MAPK10: variants seen among roughly 807,000 people sequenced by gnomAD.
The protein encoded by MAPK10 is mitogen-activated protein kinase 10.
Under a neutral mutation model 59.3 loss-of-function variants are expected in MAPK10, and 25 were observed. The ratio of observed to expected loss-of-function variants is 0.42; its 90% CI spans 0.31 to 0.59. MAPK10 has a LOEUF of 0.59. MAPK10 is among the 20% of genes least tolerant of loss of function. The pLI is 0.15. For synonymous variants in MAPK10, 190 were observed against 200.5 expected, an observed-to-expected ratio of 0.95 and a Z score of 0.44; for missense variants, 351 against 568.9, an observed-to-expected ratio of 0.62 and a Z score of 3.90.
At chr4:86,294,020 C>A (rs2095295492) in intron 2 of MAPK10, among the ~76,000 whole-genome samples, 1 of 152,148 alleles carries the variant, frequency 6.6e-6, no homozygotes, top group South Asian at 2.1e-4. Flanking sequence ...CAGGACAACC[C>A]AGAAGTGCGG....
rs1554274998 is a variant in MAPK10, at chr4:86,507,655, T to TATATATACAC, written c.-263+86254_-263+86255insGTGTATATAT. On this transcript the variant is annotated intron_variant, in intron 1 of 4. Coordinates refer to the MAPK10 transcript ENST00000502302. Reference sequence around the variant, plus strand: ...ATATATATATATATATATATATATATATATATATATATATATAAAATCATG... The same window carrying TATATATACAC: ...ATATATATATATATATATATATATATATATATACACATATATATATATATATAAAATCATG... Among the ~76,000 whole-genome samples, 137 of 71,264 alleles carry TATATATACAC rather than the reference T, an allele frequency of 1.9e-3. 8 individuals carry two copies. Among genetic ancestry groups the TATATATACAC allele is most frequent in the Non-Finnish European group, 3.3e-3 (114 of 34,644 alleles). 46.8% of individuals were successfully genotyped at this position (71,264 alleles called of 152,430 possible).
chr4:86,143,383 C>G (rs2064076426), intron 4 of MAPK10, among the ~76,000 whole-genome samples: 1 of 152,062 alleles, frequency 6.6e-6, no homozygotes, highest in Non-Finnish European at 1.5e-5. Context: ...TTTTCTCTTT[C>G]CATAAACTGG....
chr4:86,518,344 G>A (rs1056087142), intron 1 of MAPK10, among the ~76,000 whole-genome samples: 4 of 152,102 alleles, frequency 2.6e-5, no homozygotes, highest in African/African-American at 9.7e-5. Context: ...TAATCTAGGA[G>A]GTTTGTATAT....
chr4:86,376,509 C>T (rs1182608770), intron 1 of MAPK10, among the ~76,000 whole-genome samples: 1 of 152,154 alleles, frequency 6.6e-6, no homozygotes, highest in Non-Finnish European at 1.5e-5. Flanking sequence ...CAAAATAACA[C>T]ATTTAAGTTG....
intron 4 of MAPK10, among the ~76,000 whole-genome samples, chr4:86,114,497 C>A (rs1017243628): frequency 7.9e-5 from 12 of 152,338 alleles, no homozygotes; most frequent in Middle Eastern, 3.4e-3. Context: ...GTCCCTCCTG[C>A]ACTTGGAGGT....
intron 1 of MAPK10, among the ~76,000 whole-genome samples, chr4:86,374,905 T>C (rs931946347): frequency 6.6e-6 from 1 of 152,246 alleles, no homozygotes; most frequent in African/African-American, 2.4e-5. Context: ...AATGATATTA[T>C]GAATGCATGT....
chr4:86,210,929 C>A (rs758919402), intron 2 of MAPK10, among the ~76,000 whole-genome samples: 3 of 150,648 alleles, frequency 2.0e-5, no homozygotes, highest in Non-Finnish European at 1.5e-5. Flanking sequence ...CTGAAAAGTA[C>A]AAGAAGTGAA....
intron 1 of MAPK10, among the ~76,000 whole-genome samples, chr4:86,386,548 A>G (rs1004425866): frequency 5.3e-5 from 8 of 152,112 alleles, no homozygotes; most frequent in African/African-American, 1.9e-4. Context: ...TATAAATGAT[A>G]GAGATGATAT....
chr4:86,011,715 T>C lies in MAPK10; in HGVS notation c.*5513A>G, dbSNP rs1406040979. 2 of 152,200 alleles carry C rather than the reference T, an allele frequency of 1.3e-5. No homozygotes were observed. The highest frequency in any genetic ancestry group is 4.8e-5 in the African/African-American group (2 of 41,458). 9.4% of individuals were successfully genotyped at this position (152,200 alleles called of 1,614,324 possible). On this transcript the variant is annotated 3_prime_UTR_variant, in exon 14 of 14. Coordinates refer to ENST00000641462, the MANE Select transcript of MAPK10 (RefSeq NM_138982.4). ...TGATTTAAACTAGGATAGAAGCTGT[T>C]CCAGAGATAACAAAAAGCTGTTGCT... is the stretch of plus-strand genomic sequence containing the variant.
At chr4:86,380,035 A>G (rs1421526497) in intron 1 of MAPK10, among the ~76,000 whole-genome samples, 1 of 152,052 alleles carries the variant, frequency 6.6e-6, no homozygotes, top group Non-Finnish European at 1.5e-5. Context: ...CAGGAGTTTG[A>G]GACCAGCCTG....
At chr4:86,463,191 G>A (rs1405624387) in intron 1 of MAPK10, among the ~76,000 whole-genome samples, 1 of 152,210 alleles carries the variant, frequency 6.6e-6, no homozygotes, top group Non-Finnish European at 1.5e-5. Flanking sequence ...GGACATTACA[G>A]CCAGAATTGC....
rs561086772 is a variant in MAPK10 at position 86,139,551 on chromosome 4, T to A, written c.236+19747A>T. Among the ~76,000 whole-genome samples the A allele has an allele frequency of 2.5e-3, 387 of 152,146 alleles. 5 individuals are homozygous for A. Among genetic ancestry groups the A allele is most frequent in the East Asian group, 0.015 (75 of 5,166 alleles). On this transcript the variant is annotated intron_variant, in intron 4 of 13. Transcript: ENST00000641462. ...GTCAATTCAAGATGGATTAAAGACT[T>A]AAACGTTAGACCTAAAACCATAAAA...
chr4:86,357,692 C>T, intron 1 of MAPK10: 1 of 152,278 alleles, frequency 6.6e-6, no homozygotes. Context: ...TCATAAACAT[C>T]CCCTTCCAGC....
chr4:86,029,519 G>A (rs1323464226), intron 12 of MAPK10, among the ~76,000 whole-genome samples: 1 of 152,012 alleles, frequency 6.6e-6, no homozygotes, highest in East Asian at 1.9e-4. Flanking sequence ...CTACGTACAT[G>A]AAACATACTA....
chr4:86,276,394 C>T (rs2094575819), intron 2 of MAPK10, among the ~76,000 whole-genome samples: 1 of 152,056 alleles, frequency 6.6e-6, no homozygotes, highest in Non-Finnish European at 1.5e-5. Context: ...AAAATAGAAT[C>T]CATCTGTACT....
In MAPK10 at chr4:86,512,670, A is replaced by C. The variant is rs187785468; in HGVS notation, c.-263+81240T>G. Among the ~76,000 whole-genome samples, 547 of 152,322 alleles carry C rather than the reference A, an allele frequency of 3.6e-3. 1 individual carries two copies. The highest frequency in any genetic ancestry group is 5.7e-3 in the Non-Finnish European group (386 of 68,032). On this transcript the variant is annotated intron_variant, in intron 1 of 4. Coordinates refer to the MAPK10 transcript ENST00000502302. ...GCTATCTACCTACAGACTAGACTAT[A>C]TCCTGAATTCTTCTAGAGTCCTCCA...
intron 2 of MAPK10, among the ~76,000 whole-genome samples, chr4:86,211,909 T>C (rs1231558264): frequency 5.3e-5 from 8 of 152,084 alleles, no homozygotes; most frequent in Admixed American, 2.6e-4. Flanking sequence ...ATATTAAATG[T>C]ATTCCCCATG....
rs577387879 is a variant in MAPK10, at chr4:86,080,503, A to G, written c.803-12548T>C. 106 of 151,986 alleles carry G rather than the reference A, an allele frequency of 7.0e-4. 3 individuals carry two copies. The highest frequency in any genetic ancestry group is 2.4e-4 in the Non-Finnish European group (16 of 67,856). 9.4% of individuals were successfully genotyped at this position (151,986 alleles called of 1,614,324 possible). On this transcript the variant is annotated intron_variant, in intron 9 of 13. Transcript: ENST00000641462. ...ACTAAACTATATTTCAGGTAAGGGA[A>G]CCTCAATTAAAAATAAGAGTTTTAT...
intron 2 of MAPK10, among the ~76,000 whole-genome samples, chr4:86,266,806 C>T (rs1448528723): frequency 1.3e-5 from 2 of 151,900 alleles, no homozygotes; most frequent in African/African-American, 4.8e-5. Context: ...ATCTAAACAA[C>T]CAGACCTAGG....
Sources: gnomAD v4.1 joint callset for allele counts (sites outside exome capture counted in the v4.1 genomes callset) on GRCh38, gnomAD v4.1.1 for gene constraint, MANE v1.5 for transcripts, NCBI Gene and HGNC (gene_info 2026-07-23, HGNC 2026-07-21) for gene names.